The following SCP2 variants were observed in gnomAD, a reference collection of about 807,000 sequenced individuals.
SCP2 encodes the protein SCP-2/3-oxoacyl-CoA thiolase.
In SCP2, 48 loss-of-function variants were observed where a neutral mutation model predicts 71.4. The ratio of observed to expected loss-of-function variants is 0.67; its 90% CI spans 0.53 to 0.86. The LOEUF (loss-of-function observed/expected upper bound fraction) is 0.86. SCP2 is among the 40% of genes least tolerant of loss of function. SCP2 has a pLI of 0.00. For missense variants in SCP2, 560 were observed against 655.6 expected, an observed-to-expected ratio of 0.85 and a Z score of 1.59; for synonymous variants, 220 against 218.1, an observed-to-expected ratio of 1.01 and a Z score of -0.08.
At chr1:52,991,826 A>C (rs1252621299) in intron 11 of SCP2, among the ~76,000 whole-genome samples, 1 of 152,092 alleles carries the variant, frequency 6.6e-6, no homozygotes, top group Non-Finnish European at 1.5e-5. Context: ...GAAGCTATAC[A>C]AGGGTATGCT....
intron 1 of SCP2, among the ~76,000 whole-genome samples, chr1:52,934,337 G>A (rs946928952): frequency 6.6e-6 from 1 of 151,342 alleles, no homozygotes; most frequent in African/African-American, 2.4e-5. Flanking sequence ...GTTTTTTAAC[G>A]GGACAGGTAA....
chr1:53,043,686 A>G (rs1164764962), intron 14 of SCP2, among the ~76,000 whole-genome samples: 1 of 152,202 alleles, frequency 6.6e-6, no homozygotes, highest in Non-Finnish European at 1.5e-5. Flanking sequence ...AGCTCAATAA[A>G]TGCTGATATT....
chr1:53,002,917 G>A (rs1048962054), intron 11 of SCP2, among the ~76,000 whole-genome samples: 1 of 152,126 alleles, frequency 6.6e-6, no homozygotes, highest in South Asian at 2.1e-4. Context: ...ATCCTAGGAC[G>A]ATGACTGGTA....
At chr1:53,032,052 A>G (rs778690868) in intron 13 of SCP2, among the ~76,000 whole-genome samples, 1 of 152,216 alleles carries the variant, frequency 6.6e-6, no homozygotes, top group African/African-American at 2.4e-5. Context: ...CTAGCACACT[A>G]TTAACCCCCT....
intron 11 of SCP2, chr1:52,995,753 G>T: frequency 1.3e-6 from 1 of 776,746 alleles, no homozygotes; most frequent in Non-Finnish European, 2.4e-6. Flanking sequence ...AGCTGTCTGT[G>T]ACATCCCACC....
intron 6 of SCP2, among the ~76,000 whole-genome samples, chr1:52,967,042 T>C (rs911668083): frequency 6.6e-6 from 1 of 151,528 alleles, no homozygotes; most frequent in African/African-American, 2.4e-5. Context: ...ACAAAAAAAT[T>C]AGTCAGGCAT....
intron 9 of SCP2, among the ~76,000 whole-genome samples, chr1:52,978,792 G>C (rs1396487894): frequency 6.6e-6 from 1 of 152,026 alleles, no homozygotes; most frequent in Non-Finnish European, 1.5e-5. Context: ...TGAATTCCTG[G>C]CTCAAGTGAT....
intron 12 of SCP2, among the ~76,000 whole-genome samples, chr1:53,022,962 AT>A (rs1237038338): frequency 1.3e-5 from 2 of 152,220 alleles, no homozygotes; most frequent in Non-Finnish European, 2.9e-5. Flanking sequence ...GGAAACATAT[AT>A]AAACCAAATT....
chr1:53,013,950 C>T (rs1661156046), intron 11 of SCP2, among the ~76,000 whole-genome samples: 1 of 126,852 alleles, frequency 7.9e-6, no homozygotes, highest in Non-Finnish European at 1.6e-5. Flanking sequence ...GGCTGGAGTG[C>T]AGTGGCCCGA....
chr1:53,038,571 A>AT (rs1192240205), intron 13 of SCP2, among the ~76,000 whole-genome samples: 5 of 151,770 alleles, frequency 3.3e-5, no homozygotes, highest in Admixed American at 6.6e-5. Context: ...TGCCTGGCTA[A>AT]TTTTTTTATT....
chr1:53,046,005 TC>T (rs1663789898), intron 14 of SCP2, among the ~76,000 whole-genome samples: 1 of 152,236 alleles, frequency 6.6e-6, no homozygotes, highest in African/African-American at 2.4e-5. Context: ...GTTGCATGGA[TC>T]ATGAAGTATT....
In SCP2 at chr1:52,980,471, G is replaced by GT; in HGVS notation, c.902dup (p.Ile302AsnfsTer16). ...TGGCCTGACACCAAATGATATTGAC[G>GT]TAATAGAACTTCACGATTGCTTTTC... On this transcript the variant is annotated frameshift_variant, in exon 10 of 16. Coordinates refer to ENST00000371514, the MANE Select transcript of SCP2 (RefSeq NM_002979.5). LOFTEE classifies it high-confidence loss of function. 6.2e-7 allele frequency: 1 copy of GT among 1,613,682 alleles called. No homozygotes were observed. Among genetic ancestry groups the GT allele is most frequent in the South Asian group, 1.1e-5 (1 of 91,068 alleles).
intron 6 of SCP2, among the ~76,000 whole-genome samples, chr1:52,967,118 A>G (rs542101466): frequency 1.3e-5 from 2 of 152,232 alleles, no homozygotes; most frequent in South Asian, 2.1e-4. Flanking sequence ...TGAACCTGGG[A>G]GGTGGAGGTT....
intron 14 of SCP2, among the ~76,000 whole-genome samples, chr1:53,045,955 CT>C (rs35815943): frequency 0.13 from 17,329 of 128,896 alleles, 1,785 homozygotes; most frequent in African/African-American, 0.38. Context: ...CAGTATGTAG[CT>C]TTTTGAGCCT....
chr1:53,037,553 C>T (rs1042488364), intron 13 of SCP2, among the ~76,000 whole-genome samples: 9 of 151,988 alleles, frequency 5.9e-5, no homozygotes, highest in Non-Finnish European at 1.3e-4. Flanking sequence ...AAGGGAAACC[C>T]CCTTGCAGAG....
Position 52,950,819 on chromosome 1 carries a change from C to T in SCP2, c.264C>T (p.Ile88=), listed in dbSNP as rs1572071378. The T allele has an allele frequency of 6.2e-7, 1 of 1,613,588 alleles. No homozygotes were observed. Among genetic ancestry groups the T allele is most frequent in the Non-Finnish European group, 8.5e-7 (1 of 1,179,576 alleles). ...HSLGMTGIPI[I]NVNNNCATGS... ...TGGGAATGACTGGAATTCCTATAATCAATGTCAACAATAACTGTGCTACTG... is the reference window on the plus strand; with the variant it reads ...TGGGAATGACTGGAATTCCTATAATTAATGTCAACAATAACTGTGCTACTG... The change falls in exon 4 of 16, where the codon ATC becomes ATT. Residue 88 remains isoleucine (I), a synonymous_variant. Transcript: ENST00000371514.
At chr1:52,932,374 C>T (rs1434742171) in intron 1 of SCP2, among the ~76,000 whole-genome samples, 2 of 152,018 alleles carry the variant, frequency 1.3e-5, no homozygotes, top group Non-Finnish European at 2.9e-5. Flanking sequence ...AATTCTATTC[C>T]CTAATAAATA....
rs191071408 is a variant in SCP2, at chr1:53,007,377, G to C, written c.1082-7513G>C. Among the ~76,000 whole-genome samples, 448 of 152,250 alleles carry C rather than the reference G, an allele frequency of 2.9e-3. 7 individuals are homozygous for C. The highest frequency in any genetic ancestry group is 0.011 in the African/African-American group (437 of 41,536). On this transcript the variant is annotated intron_variant, in intron 11 of 15. Coordinates refer to ENST00000371514, the MANE Select transcript of SCP2 (RefSeq NM_002979.5). The stretch of plus-strand genomic sequence containing the variant: ...TCCAAAATTGACCATGTAGTTGGAA[G>C]TAAAGCACTCCTCAGCAAATGTAAA...
At chr1:52,937,774 G>A (rs796408463) in intron 1 of SCP2, among the ~76,000 whole-genome samples, 31 of 152,336 alleles carry the variant, frequency 2.0e-4, no homozygotes, top group African/African-American at 7.5e-4. Flanking sequence ...TATCTTGGGA[G>A]GGTTCTCAGC....
Sources: gnomAD v4.1 joint callset for allele counts (sites outside exome capture counted in the v4.1 genomes callset) on GRCh38, gnomAD v4.1.1 for gene constraint, MANE v1.5 for transcripts, NCBI Gene and HGNC (gene_info 2026-07-23, HGNC 2026-07-21) for gene names.